TSPAN18: variants seen among roughly 807,000 people sequenced by gnomAD.
TSPAN18 encodes the protein tetraspanin-18.
A neutral mutation model predicts 27.3 loss-of-function variants in TSPAN18; 14 were observed. The ratio of observed to expected loss-of-function variants is 0.51; its 90% CI spans 0.34 to 0.80. TSPAN18 has a LOEUF of 0.80. TSPAN18 is among the 30% of genes least tolerant of loss of function. The pLI is 0.01. For synonymous variants in TSPAN18, 143 were observed against 136.5 expected, an observed-to-expected ratio of 1.05 and a Z score of -0.33; for missense variants, 268 against 323.9, an observed-to-expected ratio of 0.83 and a Z score of 1.32.
chr11:44,902,212 CG>C (rs1218453098), intron 3 of TSPAN18, among the ~76,000 whole-genome samples: 1 of 152,174 alleles, frequency 6.6e-6, no homozygotes, highest in African/African-American at 2.4e-5. Flanking sequence ...GCAGGTACAG[CG>C]GGGAGCCCTT....
At chr11:44,891,336 C>A (rs1345884315) in intron 3 of TSPAN18, among the ~76,000 whole-genome samples, 1 of 152,156 alleles carries the variant, frequency 6.6e-6, no homozygotes, top group Non-Finnish European at 1.5e-5. Context: ...TGGAGTCAGG[C>A]CAGATGGCTT....
intron 2 of TSPAN18, among the ~76,000 whole-genome samples, chr11:44,821,485 TA>T (rs1465466531): frequency 6.6e-6 from 1 of 152,172 alleles, no homozygotes; most frequent in Non-Finnish European, 1.5e-5. Flanking sequence ...TTGGGATGAT[TA>T]GTTAAGTGCA....
intron 3 of TSPAN18, among the ~76,000 whole-genome samples, chr11:44,878,724 G>T (rs1293371834): frequency 6.6e-6 from 1 of 152,136 alleles, no homozygotes; most frequent in African/African-American, 2.4e-5. Context: ...GTATATTTTG[G>T]AGTAAAATGC....
Position 44,787,395 on chromosome 11 carries a change from C to A in TSPAN18, c.-153+22883C>A, listed in dbSNP as rs139274313. Among the ~76,000 whole-genome samples the A allele has an allele frequency of 1.7e-3, 255 of 152,336 alleles. 2 individuals are homozygous for A. The highest frequency in any genetic ancestry group is 5.9e-3 in the African/African-American group (244 of 41,590). On this transcript the variant is annotated intron_variant, in intron 2 of 9. Coordinates refer to ENST00000520358, the MANE Select transcript of TSPAN18 (RefSeq NM_130783.5). ...AGAACCTGAACTTATCCCATCCCCACCTGCAATTCGGATCTTTCCACAGTC... is the reference window on the plus strand; with the variant it reads ...AGAACCTGAACTTATCCCATCCCCAACTGCAATTCGGATCTTTCCACAGTC...
At chr11:44,785,247 G>C (rs1397708256) in intron 2 of TSPAN18, among the ~76,000 whole-genome samples, 1 of 152,158 alleles carries the variant, frequency 6.6e-6, no homozygotes, top group East Asian at 1.9e-4. Flanking sequence ...GGAAAACCCT[G>C]TATGCTCTGC....
intron 1 of TSPAN18, among the ~76,000 whole-genome samples, chr11:44,728,251 G>A (rs1198353814): frequency 2.0e-5 from 3 of 152,230 alleles, no homozygotes; most frequent in Admixed American, 2.0e-4. Flanking sequence ...GATTTTTCTC[G>A]GGAAGGCTGC....
intron 2 of TSPAN18, among the ~76,000 whole-genome samples, chr11:44,774,465 C>G (rs1855758881): frequency 6.6e-6 from 1 of 152,218 alleles, no homozygotes; most frequent in African/African-American, 2.4e-5. Flanking sequence ...AGATAGCATC[C>G]AGGCTCCTGA....
chr11:44,746,838 A>T (rs549675567), intron 1 of TSPAN18, among the ~76,000 whole-genome samples: 1 of 152,340 alleles, frequency 6.6e-6, no homozygotes. Flanking sequence ...TGCTCAGCAG[A>T]GCTTCATTTG....
intron 1 of TSPAN18, among the ~76,000 whole-genome samples, chr11:44,739,421 G>C (rs531145636): frequency 7.2e-5 from 11 of 152,164 alleles, no homozygotes; most frequent in Non-Finnish European, 1.5e-4. Flanking sequence ...TTAGGAGCTC[G>C]AGACCATGCT....
chr11:44,918,343 T>C (rs3816791), intron 6 of TSPAN18, among the ~76,000 whole-genome samples: 42,778 of 152,022 alleles, frequency 0.28, 8,727 homozygotes, highest in African/African-American at 0.57. Context: ...CCAGTGATAG[T>C]GAGACAGTCA....
intron 2 of TSPAN18, among the ~76,000 whole-genome samples, chr11:44,777,485 C>T (rs78848381): frequency 1.1e-3 from 171 of 152,266 alleles, no homozygotes; most frequent in African/African-American, 4.0e-3. Flanking sequence ...AGGACCCCTC[C>T]GGAATTCTGT....
chr11:44,879,023 C>A (rs1360700447), intron 3 of TSPAN18, among the ~76,000 whole-genome samples: 1 of 152,206 alleles, frequency 6.6e-6, no homozygotes, highest in Non-Finnish European at 1.5e-5. Flanking sequence ...TCCCACAGAG[C>A]CCTGAACTTC....
chr11:44,892,212 G>T (rs776889287), intron 3 of TSPAN18, among the ~76,000 whole-genome samples: 3 of 152,164 alleles, frequency 2.0e-5, no homozygotes, highest in African/African-American at 4.8e-5. Context: ...CCTGGTACCT[G>T]CCTTTCCCCA....
At chr11:44,809,394 T>C (rs1856667696) in intron 2 of TSPAN18, among the ~76,000 whole-genome samples, 1 of 152,062 alleles carries the variant, frequency 6.6e-6, no homozygotes, top group South Asian at 2.1e-4. Context: ...ATGGAGACTA[T>C]GCAATCAGGT....
At chr11:44,740,922 C>T (rs559628273) in intron 1 of TSPAN18, among the ~76,000 whole-genome samples, 3 of 152,314 alleles carry the variant, frequency 2.0e-5, no homozygotes, top group East Asian at 1.9e-4. Flanking sequence ...GGACTATAAA[C>T]GTGCACCACC....
At chr11:44,897,792 G>A (rs1195807506) in intron 3 of TSPAN18, 1 of 1,289,374 alleles carries the variant, frequency 7.8e-7, no homozygotes, top group South Asian at 1.2e-5. Flanking sequence ...TCGCTGACGG[G>A]AGAGTCTGTC....
chr11:44,907,106 C>T (rs1031779002), intron 4 of TSPAN18, among the ~76,000 whole-genome samples: 1 of 150,154 alleles, frequency 6.7e-6, no homozygotes, highest in African/African-American at 2.5e-5. Flanking sequence ...AGCTTAGCTC[C>T]ATTTCCATCT....
At chr11:44,900,652 C>T (rs1859224703) in intron 3 of TSPAN18, among the ~76,000 whole-genome samples, 2 of 135,226 alleles carry the variant, frequency 1.5e-5, no homozygotes, top group African/African-American at 5.6e-5. Flanking sequence ...GCCCTGTGCT[C>T]AGTATTTTCC....
At chr11:44,837,999 C>G (rs1857297095) in intron 2 of TSPAN18, among the ~76,000 whole-genome samples, 1 of 152,122 alleles carries the variant, frequency 6.6e-6, no homozygotes, top group Admixed American at 6.5e-5. Flanking sequence ...CTGAGATATG[C>G]TTGTATCCAC....
Sources: gnomAD v4.1 joint callset for allele counts (sites outside exome capture counted in the v4.1 genomes callset) on GRCh38, gnomAD v4.1.1 for gene constraint, MANE v1.5 for transcripts, NCBI Gene and HGNC (gene_info 2026-07-23, HGNC 2026-07-21) for gene names.